Variants in ADGRV1 observed in about 807,000 individuals in gnomAD.
ADGRV1 encodes the protein G-protein coupled receptor 98.
ADGRV1 carries 359 observed loss-of-function variants against 596.2 expected under a neutral mutation model. That is an observed-to-expected ratio of 0.60 (90% CI 0.55 to 0.66). The LOEUF (loss-of-function observed/expected upper bound fraction) is 0.66, where lower values mean the gene tolerates loss of function less well. Ranked by LOEUF, ADGRV1 falls within the 30% of genes least tolerant of loss-of-function variation. ADGRV1 has a pLI of 0.00. For synonymous variants in ADGRV1, 2,681 were observed against 2,679.2 expected (o/e 1.00, Z -0.02); for missense variants, 7,274 against 7,575.6 (o/e 0.96, Z 1.48).
At chr5:90,856,607 C>T (rs1390121916) in intron 82 of ADGRV1, among the ~76,000 whole-genome samples, 6 of 152,076 alleles carry the variant, frequency 3.9e-5, no homozygotes, top group Non-Finnish European at 4.4e-5. Context: ...TTCTTTCAGC[C>T]CCACAACTTT....
chr5:90,988,179 A>G (rs1780652356), intron 85 of ADGRV1, among the ~76,000 whole-genome samples: 1 of 152,184 alleles, frequency 6.6e-6, no homozygotes, highest in Non-Finnish European at 1.5e-5. Flanking sequence ...GTGCCTTCAA[A>G]CAAATGGTTT....
chr5:90,930,047 C>T (rs1196365765), intron 83 of ADGRV1, among the ~76,000 whole-genome samples: 2 of 152,136 alleles, frequency 1.3e-5, no homozygotes, highest in Non-Finnish European at 2.9e-5. Flanking sequence ...GTTGGCTTTC[C>T]ATTTTAATGG....
chr5:90,996,905 C>A (rs369809523), intron 85 of ADGRV1, among the ~76,000 whole-genome samples: 7 of 152,276 alleles, frequency 4.6e-5, no homozygotes, highest in African/African-American at 1.7e-4. Context: ...TTCCATGGAA[C>A]CTGTAGTCCC....
intron 1 of ADGRV1, among the ~76,000 whole-genome samples, chr5:90,578,262 T>C (rs1179182979): frequency 6.6e-6 from 1 of 152,194 alleles, no homozygotes; most frequent in Non-Finnish European, 1.5e-5. Flanking sequence ...CATAAATAGC[T>C]CTTATTATTT....
At chr5:91,004,480 G>T in intron 85 of ADGRV1, among the ~76,000 whole-genome samples, 1 of 151,908 alleles carries the variant, frequency 6.6e-6, no homozygotes. Context: ...GATTTTTGGG[G>T]AACGCTTAGG....
At chr5:90,883,428 C>T (rs931736287) in intron 83 of ADGRV1, among the ~76,000 whole-genome samples, 7 of 151,950 alleles carry the variant, frequency 4.6e-5, no homozygotes, top group Non-Finnish European at 7.4e-5. Flanking sequence ...TGAGGTATGC[C>T]GAAAATGGGG....
intron 11 of ADGRV1, 110 bp from the exon 12 acceptor site, chr5:90,642,526 G>A: frequency 8.7e-7 from 1 of 1,145,934 alleles, no homozygotes; most frequent in South Asian, 1.6e-5. Flanking sequence ...ATTCCTCATA[G>A]CCTTCCTTTT....
At chr5:90,847,595 G>T (rs975298994) in intron 78 of ADGRV1, among the ~76,000 whole-genome samples, 1 of 152,186 alleles carries the variant, frequency 6.6e-6, no homozygotes, top group Non-Finnish European at 1.5e-5. Flanking sequence ...GGCTTGGGCT[G>T]CTCAGGAGCC....
chr5:90,776,465 T>C lies in ADGRV1; in HGVS notation c.12416T>C (p.Ile4139Thr). The change falls in exon 61 of 90, where the codon ATA (isoleucine) becomes ACA (threonine). Residue 4139 changes from isoleucine (I) to threonine (T), a missense_variant. Ile to Thr is a moderately conservative substitution (Grantham distance 89, BLOSUM62 -1). Transcript: ENST00000405460. ...ATCTTGAATTTAGGTAGTGCATCAA[T>C]AATTATTCGGGGTGATAAGCGAGCA... Reference protein sequence around the residue: ...EISPVKGSASIIIRGDKRASG... With the variant: ...EISPVKGSASTIIRGDKRASG... 6.2e-7 allele frequency: 1 copy of C among 1,612,302 alleles called. No homozygotes were observed. Among genetic ancestry groups the C allele is most frequent in the Non-Finnish European group, 8.5e-7 (1 of 1,178,896 alleles).
chr5:91,098,849 A>C (rs1791115726), intron 86 of ADGRV1, among the ~76,000 whole-genome samples: 1 of 152,190 alleles, frequency 6.6e-6, no homozygotes, highest in African/African-American at 2.4e-5. Context: ...CAAAATGTGC[A>C]TGTCCCTTTG....
In ADGRV1 at chr5:90,647,732, A is replaced by T. The variant is rs1349809454; in HGVS notation, c.3257A>T (p.Glu1086Val). 6.2e-7 allele frequency: 1 copy of T among 1,613,574 alleles called. No individual in the cohort carries two copies. Among genetic ancestry groups the T allele is most frequent in the Non-Finnish European group, 8.5e-7 (1 of 1,179,656 alleles). Residue 1086 changes from glutamate (E) to valine (V), a missense_variant, in exon 17 of 90, where the codon GAG (glutamate) becomes GTG (valine). Physicochemically the swap from Glu to Val is moderately radical, Grantham distance 121. Coordinates refer to ENST00000405460, the MANE Select transcript of ADGRV1 (RefSeq NM_032119.4). ...VNEDGIPETD[E>V]PFYIILLNST... ...GAAGATGGTATCCCGGAAACAGATG[A>T]GCCCTTTTATATAATCCTCTTGAAT...
In ADGRV1 at chr5:90,756,844, A is replaced by G. The variant is rs1755882048; in HGVS notation, c.11758-135A>G. 1.1e-5 allele frequency: 9 copies of G among 785,748 alleles called. No individual in the cohort carries two copies. The South Asian group carries it at 1.9e-4, about 17-fold the overall frequency. The allele number at this position is 785,748 out of a possible 1,614,324, so 48.7% of individuals were successfully genotyped here. On this transcript the variant is annotated intron_variant, in intron 56 of 89. Coordinates refer to ENST00000405460, the MANE Select transcript of ADGRV1 (RefSeq NM_032119.4). ...TAAGAGTTCAGAAGACCTTTTATGC[A>G]TACTTATATCTGACTATTAATTTCT... is the stretch of plus-strand genomic sequence containing the variant.
At chr5:90,605,286 G>C (rs573982883) in intron 1 of ADGRV1, among the ~76,000 whole-genome samples, 21 of 151,970 alleles carry the variant, frequency 1.4e-4, no homozygotes, top group African/African-American at 5.1e-4. Flanking sequence ...GTGGTGGCAC[G>C]TGCCTGTAGT....
At position 90,811,002 on chromosome 5, in the gene ADGRV1, A is replaced by T. The variant is rs1174478035; in HGVS notation, c.15742A>T (p.Thr5248Ser). ...FNTAEVLIRR[T>S]GGFTGNVSIT... ...CACTGCAGAAGTTCTTATCCGAAGA[A>T]CTGGTGGGTTTACTGGCAATGTCAG... Residue 5248 changes from threonine (T) to serine (S), a missense_variant, in exon 74 of 90, where the codon ACT (threonine) becomes TCT (serine). Physicochemically the swap from Thr to Ser is moderately conservative, Grantham distance 58 (BLOSUM62 1). Around this residue, in one of 5 missense-constraint regions of ADGRV1, gnomAD observed 1,874 missense variants for 1,970.2 expected, o/e 0.95. Coordinates refer to ENST00000405460, the MANE Select transcript of ADGRV1 (RefSeq NM_032119.4). 7 of 1,614,026 alleles carry T rather than the reference A, an allele frequency of 4.3e-6. No individual in the cohort carries two copies. The Admixed American group carries it at 6.7e-5, about 15-fold the overall frequency.
chr5:90,784,702 T>C (rs1276729533), intron 67 of ADGRV1, among the ~76,000 whole-genome samples: 1 of 152,032 alleles, frequency 6.6e-6, no homozygotes, highest in Non-Finnish European at 1.5e-5. Flanking sequence ...GAGGGCCCAA[T>C]AGATGTTCGA....
At chr5:91,150,336 A>T in intron 88 of ADGRV1, 115 bp downstream of exon 88, 3 of 784,716 alleles carry the variant, frequency 3.8e-6, no homozygotes, top group Non-Finnish European at 5.7e-6. Context: ...CACCTCATAA[A>T]GAGTACAAGA....
chr5:90,756,693 GT>G, intron 56 of ADGRV1, 63 bp downstream of exon 56: 1 of 1,344,940 alleles, frequency 7.4e-7, no homozygotes, highest in Non-Finnish European at 1.0e-6. Context: ...TTTGGCCAGT[GT>G]TTTATGTTTA....
chr5:91,049,205 C>G (rs1398767212), intron 85 of ADGRV1, among the ~76,000 whole-genome samples: 1 of 152,142 alleles, frequency 6.6e-6, no homozygotes, highest in Non-Finnish European at 1.5e-5. Flanking sequence ...CTCCTTTACC[C>G]TAGAGTTTAT....
intron 1 of ADGRV1, among the ~76,000 whole-genome samples, chr5:90,586,354 A>G (rs544040238): frequency 4.6e-5 from 7 of 152,300 alleles, no homozygotes; most frequent in East Asian, 1.9e-4. Context: ...TCCACCTTCA[A>G]ATTTCCTTGA....
Sources: allele counts gnomAD v4.1 joint callset (sites outside exome capture counted in the v4.1 genomes callset), GRCh38; gene constraint gnomAD v4.1.1; regional missense constraint gnomAD v4.1.1; transcripts MANE v1.5; gene names NCBI Gene and HGNC (gene_info 2026-07-23, HGNC 2026-07-21).